ASCC1: variants seen among roughly 807,000 people sequenced by gnomAD.
The protein encoded by ASCC1 is activating signal cointegrator 1 complex subunit 1.
A neutral mutation model predicts 46.6 loss-of-function variants in ASCC1; 35 were observed. That is an observed-to-expected ratio of 0.75 (90% CI 0.57 to 0.99). The LOEUF is 0.99. Ranked by LOEUF, ASCC1 falls within the 50% of genes least tolerant of loss-of-function variation. ASCC1 has a pLI of 0.00. For missense variants in ASCC1, 376 were observed against 428.7 expected (o/e 0.88, Z 1.09); for synonymous variants, 143 against 146.6 (o/e 0.98, Z 0.18).
chr10:72,162,824 T>A (rs1224870953), intron 5 of ASCC1, among the ~76,000 whole-genome samples: 2 of 151,658 alleles, frequency 1.3e-5, no homozygotes, highest in African/African-American at 4.9e-5. Flanking sequence ...GCGCCTGTAA[T>A]CCCACATACT....
At chr10:72,143,723 C>T (rs957492771) in intron 7 of ASCC1, among the ~76,000 whole-genome samples, 2 of 150,680 alleles carry the variant, frequency 1.3e-5, no homozygotes, top group African/African-American at 4.9e-5. Flanking sequence ...TTAGATAAAA[C>T]TTGCTCATGG....
intron 6 of ASCC1, 44 bp downstream of exon 6, chr10:72,161,494 A>C: frequency 6.2e-7 from 1 of 1,613,854 alleles, no homozygotes; most frequent in Non-Finnish European, 8.5e-7. Context: ...AAAAGAAGCC[A>C]GCCCAGGTAG....
chr10:72,186,695 T>G (rs937681871), intron 5 of ASCC1, among the ~76,000 whole-genome samples: 4 of 152,184 alleles, frequency 2.6e-5, no homozygotes, highest in African/African-American at 9.7e-5. Context: ...ACTGATTTCC[T>G]CTTTAATGCT....
At chr10:72,205,877 G>A (rs750078823) in intron 3 of ASCC1, among the ~76,000 whole-genome samples, 11 of 152,054 alleles carry the variant, frequency 7.2e-5, no homozygotes, top group Non-Finnish European at 1.5e-4. Context: ...GCCAAGGTGG[G>A]TGGATCACCT....
At chr10:72,181,596 G>A (rs1852628715) in intron 5 of ASCC1, among the ~76,000 whole-genome samples, 2 of 150,700 alleles carry the variant, frequency 1.3e-5, no homozygotes, top group African/African-American at 2.4e-5. Flanking sequence ...AACCATACAT[G>A]AGACTTAAGG....
chr10:72,125,922 T>C lies in ASCC1; in HGVS notation c.957+2160A>G, dbSNP rs185600973. Among the ~76,000 whole-genome samples, 553 of 145,000 alleles carry C rather than the reference T, an allele frequency of 3.8e-3. 2 individuals are homozygous for C. The highest frequency in any genetic ancestry group is 6.6e-3 in the Non-Finnish European group (450 of 67,958). ...TGTTTCATCTTTAAGGCACATAGTCTGGCAGATGGTATATAGTCAATAAGT... is the reference window on the plus strand; with the variant it reads ...TGTTTCATCTTTAAGGCACATAGTCCGGCAGATGGTATATAGTCAATAAGT... On this transcript the variant is annotated intron_variant, in intron 9 of 9. Transcript: ENST00000672957.
rs1266039078 is a variant in ASCC1, at chr10:72,152,999, A to G, written c.627-11T>C. The G allele has an allele frequency of 7.4e-6, 12 of 1,613,976 alleles. No homozygotes were observed. The highest frequency in any genetic ancestry group is 4.0e-5 in the African/African-American group (3 of 74,958). ...CCCCCAGAAATATCACTGCAAAGGA[A>G]AAAGCATTAAGATATCTATAACTGT... On this transcript the variant is annotated splice_polypyrimidine_tract_variant and intron_variant, in intron 6 of 9. Transcript: ENST00000672957.
Position 72,210,752 on chromosome 10 carries a change from C to T in ASCC1, c.192G>A (p.Arg64=). The T allele has an allele frequency of 6.2e-7, 1 of 1,614,072 alleles. No homozygotes were observed. The highest frequency in any genetic ancestry group is 8.5e-7 in the Non-Finnish European group (1 of 1,179,998). ...QTPQGFRSTL[R]APSLLYKHIV... is the part of the protein sequence containing the mutation. ...CTCACTTATAGAGCAAGCTGGGGGC[C>T]CTCAAAGTAGACCGGAATCCTTGTG... The change falls in exon 3 of 10, where the codon AGG becomes AGA. Residue 64 remains arginine, a synonymous_variant. Coordinates refer to ENST00000672957, the MANE Select transcript of ASCC1 (RefSeq NM_001198800.3).
intron 8 of ASCC1, among the ~76,000 whole-genome samples, chr10:72,128,726 A>G (rs572196879): frequency 6.6e-6 from 1 of 152,350 alleles, no homozygotes; most frequent in African/African-American, 2.4e-5. Context: ...CTATGACCTT[A>G]GCCTAAACCA....
At chr10:72,138,457 T>C (rs1846530159) in intron 7 of ASCC1, among the ~76,000 whole-genome samples, 1 of 152,134 alleles carries the variant, frequency 6.6e-6, no homozygotes, top group Admixed American at 6.6e-5. Context: ...GGGACTAATA[T>C]CCTTTAAAAA....
intron 9 of ASCC1, among the ~76,000 whole-genome samples, chr10:72,104,550 T>G (rs546616646): frequency 3.5e-4 from 53 of 152,250 alleles, no homozygotes; most frequent in African/African-American, 1.1e-3. Context: ...GTAACAGACC[T>G]AACAGGAAAA....
At chr10:72,203,761 C>T (rs1246578004) in intron 3 of ASCC1, among the ~76,000 whole-genome samples, 1 of 152,170 alleles carries the variant, frequency 6.6e-6, no homozygotes, top group Non-Finnish European at 1.5e-5. Flanking sequence ...ATAGAAAAAC[C>T]ATGCCCAACA....
intron 5 of ASCC1, among the ~76,000 whole-genome samples, chr10:72,165,546 A>G (rs1850232060): frequency 1.3e-5 from 2 of 152,254 alleles, no homozygotes; most frequent in Non-Finnish European, 1.5e-5. Flanking sequence ...TTTATCAAGT[A>G]TGAATAGCTT....
At chr10:72,117,432 T>TC (rs1322698327) in intron 9 of ASCC1, among the ~76,000 whole-genome samples, 2 of 152,144 alleles carry the variant, frequency 1.3e-5, no homozygotes, top group East Asian at 3.9e-4. Context: ...GACCTTAGGG[T>TC]CTATTTCCTC....
Position 72,128,247 on chromosome 10 carries a change from C to A in ASCC1, c.872-80G>T, listed in dbSNP as rs1993940. The A allele has an allele frequency of 5.6e-4, 692 of 1,246,586 alleles. 4 individuals are homozygous for A. In the African/African-American group the frequency reaches 9.0e-3, roughly 16 times the overall value. The allele number at this position is 1,246,586 out of a possible 1,614,324, so 77.2% of individuals were successfully genotyped here. A position where few individuals can be genotyped will look rare whatever the true frequency, so the allele number is the denominator to read the frequency against. On this transcript the variant is annotated intron_variant, in intron 8 of 9. Coordinates refer to ENST00000672957, the MANE Select transcript of ASCC1 (RefSeq NM_001198800.3). The stretch of plus-strand genomic sequence containing the variant: ...TTGGATTTCTATAGGTACATAGGTA[C>A]GACTAGCAAAATTTTCATGAACTAC...
At position 72,189,802 on chromosome 10, in the gene ASCC1, C is replaced by CAAA. The variant is rs996153326; in HGVS notation, c.489+7006_489+7008dup. On this transcript the variant is annotated intron_variant, in intron 5 of 9. Coordinates refer to ENST00000672957, the MANE Select transcript of ASCC1 (RefSeq NM_001198800.3). ...GGGCAACAAGAGCGAAACTCCATCT[C>CAAA]AAAAAAAAAAAAAAAAAAAAAGAAC... The CAAA allele has an allele frequency of 1.9e-3, 311 of 167,712 alleles. 2 individuals are homozygous for CAAA. Among genetic ancestry groups the CAAA allele is most frequent in the Middle Eastern group, 5.8e-3 (3 of 516 alleles). 10.4% of individuals were successfully genotyped at this position (167,712 alleles called of 1,614,324 possible). A position where few individuals can be genotyped will look rare whatever the true frequency, so the allele number is the denominator to read the frequency against.
chr10:72,105,622 A>G (rs1203911344), intron 9 of ASCC1, among the ~76,000 whole-genome samples: 1 of 152,222 alleles, frequency 6.6e-6, no homozygotes, highest in Non-Finnish European at 1.5e-5. Flanking sequence ...TGGCAAGATA[A>G]AATCCAACCA....
At position 72,096,746 on chromosome 10, in the gene ASCC1, CTGTCACCTGACACAACATGGA is replaced by C. The variant is rs1471471761; in HGVS notation, c.*567_*587del. 2.6e-5 allele frequency: 12 copies of C among 454,006 alleles called. No homozygotes were observed. The highest frequency in any genetic ancestry group is 4.8e-5 in the Non-Finnish European group (11 of 226,806). The allele number at this position is 454,006 out of a possible 1,614,324, so 28.1% of individuals were successfully genotyped here. ...ATATGTATAATACAGGAAGGAAATC[CTGTCACCTGACACAACATGGA>C]TGAACCTTGAGGACATTATGCTAAG... On this transcript the variant is annotated 3_prime_UTR_variant, in exon 10 of 10. Coordinates refer to ENST00000672957, the MANE Select transcript of ASCC1 (RefSeq NM_001198800.3).
intron 5 of ASCC1, among the ~76,000 whole-genome samples, chr10:72,185,750 G>T (rs1442410753): frequency 6.6e-6 from 1 of 152,046 alleles, no homozygotes; most frequent in African/African-American, 2.4e-5. Flanking sequence ...TTACACTGGT[G>T]TATACCTTCA....
Sources: gnomAD v4.1 joint callset for allele counts (sites outside exome capture counted in the v4.1 genomes callset) on GRCh38, gnomAD v4.1.1 for gene constraint, MANE v1.5 for transcripts, NCBI Gene and HGNC (gene_info 2026-07-23, HGNC 2026-07-21) for gene names.